Variants in NRXN3 observed in about 807,000 individuals in gnomAD.
NRXN3 encodes neurexin III.
NRXN3 carries 32 observed loss-of-function variants against 137.6 expected under a neutral mutation model. The ratio of observed to expected loss-of-function variants is 0.23; its 90% CI spans 0.18 to 0.31. NRXN3 has a LOEUF of 0.31. NRXN3 is among the 10% of genes least tolerant of loss of function. NRXN3 has a pLI of 1.00. For synonymous variants in NRXN3, 798 were observed against 784.5 expected (o/e 1.02, Z -0.29); for missense variants, 1,574 against 2,062.5 (o/e 0.76, Z 4.59).
intron 19 of NRXN3, among the ~76,000 whole-genome samples, chr14:79,747,486 G>A (rs2098983221): frequency 6.6e-6 from 1 of 152,038 alleles, no homozygotes; most frequent in South Asian, 2.1e-4. Flanking sequence ...CCCATTTCCT[G>A]CACTATGTTT....
At chr14:78,977,720 G>A (rs1224569057) in intron 14 of NRXN3, among the ~76,000 whole-genome samples, 1 of 152,106 alleles carries the variant, frequency 6.6e-6, no homozygotes, top group East Asian at 1.9e-4. Flanking sequence ...TTACTCTTAA[G>A]CTGTAATTAT....
chr14:78,436,344 A>G (rs1474941855), intron 4 of NRXN3, among the ~76,000 whole-genome samples: 3 of 152,232 alleles, frequency 2.0e-5, no homozygotes, highest in Non-Finnish European at 4.4e-5. Flanking sequence ...TACATTAATT[A>G]TATTCTAAGC....
chr14:79,454,833 C>T (rs1185179166), intron 15 of NRXN3, among the ~76,000 whole-genome samples: 2 of 151,994 alleles, frequency 1.3e-5, no homozygotes, highest in Non-Finnish European at 2.9e-5. Context: ...TCAAATTCTA[C>T]TTTAATTAGG....
chr14:79,776,668 A>G (rs1419730118), intron 19 of NRXN3, among the ~76,000 whole-genome samples: 1 of 152,216 alleles, frequency 6.6e-6, no homozygotes, highest in Non-Finnish European at 1.5e-5. Flanking sequence ...GCCTTGACAT[A>G]GATGCTTGGA....
At chr14:78,366,565 C>T (rs1337350510) in intron 4 of NRXN3, among the ~76,000 whole-genome samples, 1 of 152,108 alleles carries the variant, frequency 6.6e-6, no homozygotes, top group African/African-American at 2.4e-5. Context: ...AAGACATATC[C>T]ATAAGACTGG....
intron 4 of NRXN3, among the ~76,000 whole-genome samples, chr14:78,335,983 G>A (rs2081417346): frequency 6.6e-6 from 1 of 152,144 alleles, no homozygotes; most frequent in Non-Finnish European, 1.5e-5. Flanking sequence ...ACTCCACAAA[G>A]TAGACTCAGG....
Position 78,709,214 on chromosome 14 carries a change from C to T in NRXN3, c.1222-3C>T, listed in dbSNP as rs750098229. ...CATGGCACTTTTGTTTGGCTTTTGA[C>T]AGGTTGTTTATAAGAATAATGACAT... On this transcript the variant is annotated splice_region_variant and splice_polypyrimidine_tract_variant and intron_variant, in intron 6 of 20. Transcript: ENST00000335750. 6.8e-6 allele frequency: 11 copies of T among 1,606,096 alleles called. No homozygotes were observed. The Admixed American group carries it at 1.9e-4, about 27-fold the overall frequency.
intron 16 of NRXN3, among the ~76,000 whole-genome samples, chr14:79,541,920 T>C (rs1601856728): frequency 6.6e-6 from 1 of 152,332 alleles, no homozygotes; most frequent in African/African-American, 2.4e-5. Context: ...GAAAGCCTAG[T>C]TCACTTTAGA....
intron 19 of NRXN3, among the ~76,000 whole-genome samples, chr14:79,764,172 G>A (rs941437388): frequency 7.5e-5 from 11 of 146,868 alleles, no homozygotes; most frequent in Non-Finnish European, 1.2e-4. Context: ...GGGTGGGGGG[G>A]GTGTTAAGAT....
chr14:79,042,478 T>C (rs2099626612), intron 15 of NRXN3, among the ~76,000 whole-genome samples: 1 of 152,238 alleles, frequency 6.6e-6, no homozygotes, highest in Non-Finnish European at 1.5e-5. Context: ...TTGCTGATGA[T>C]GGATCCGGAT....
chr14:78,480,663 G>T (rs545470277), intron 4 of NRXN3, among the ~76,000 whole-genome samples: 2 of 152,134 alleles, frequency 1.3e-5, no homozygotes, highest in South Asian at 4.2e-4. Flanking sequence ...GGCTAAAATG[G>T]CAATGTTCAG....
chr14:79,694,735 T>G (rs1227849582), intron 18 of NRXN3, among the ~76,000 whole-genome samples: 1 of 151,904 alleles, frequency 6.6e-6, no homozygotes, highest in Non-Finnish European at 1.5e-5. Flanking sequence ...CCTGTTTATC[T>G]GAGAGATAAA....
At chr14:79,293,902 A>G (rs1446812700) in intron 15 of NRXN3, among the ~76,000 whole-genome samples, 1 of 152,250 alleles carries the variant, frequency 6.6e-6, no homozygotes, top group African/African-American at 2.4e-5. Context: ...GAAAAGAAAG[A>G]GGAAAGAGAA....
chr14:79,392,636 A>G (rs1205516804), intron 15 of NRXN3, among the ~76,000 whole-genome samples: 1 of 152,138 alleles, frequency 6.6e-6, no homozygotes, highest in Non-Finnish European at 1.5e-5. Flanking sequence ...CAAAACCACA[A>G]TGAGATACCA....
intron 15 of NRXN3, among the ~76,000 whole-genome samples, chr14:79,259,096 A>C (rs576286637): frequency 6.6e-6 from 1 of 152,126 alleles, no homozygotes; most frequent in Non-Finnish European, 1.5e-5. Context: ...CAAAAAAAAG[A>C]TAAGAGGCAG....
At chr14:79,261,782 C>A (rs1392480200) in intron 15 of NRXN3, among the ~76,000 whole-genome samples, 1 of 151,976 alleles carries the variant, frequency 6.6e-6, no homozygotes, top group Non-Finnish European at 1.5e-5. Flanking sequence ...TGCAATCCTG[C>A]GGGCAAGTTG....
intron 16 of NRXN3, among the ~76,000 whole-genome samples, chr14:79,581,355 C>T (rs1233781320): frequency 6.6e-6 from 1 of 152,182 alleles, no homozygotes; most frequent in East Asian, 1.9e-4. Context: ...TCTGATCCAT[C>T]CCCAGTATTC....
intron 15 of NRXN3, among the ~76,000 whole-genome samples, chr14:79,301,702 C>A (rs570135395): frequency 1.6e-4 from 24 of 151,608 alleles, no homozygotes; most frequent in Non-Finnish European, 2.8e-4. Context: ...AGATTAATAT[C>A]CAAGTGTGTG....
chr14:78,615,596 G>A (rs2097340210), intron 4 of NRXN3, among the ~76,000 whole-genome samples: 1 of 151,968 alleles, frequency 6.6e-6, no homozygotes, highest in Non-Finnish European at 1.5e-5. Context: ...GGGCGACAGT[G>A]TGAGACTCCA....
Sources: gnomAD v4.1 joint callset for allele counts (sites outside exome capture counted in the v4.1 genomes callset) on GRCh38, gnomAD v4.1.1 for gene constraint, MANE v1.5 for transcripts, NCBI Gene and HGNC (gene_info 2026-07-23, HGNC 2026-07-21) for gene names.